Variants in SMAP2 observed in about 807,000 individuals in gnomAD.
SMAP2 encodes the protein stromal membrane-associated protein 2.
Under a neutral mutation model 56.4 loss-of-function variants are expected in SMAP2, and 25 were observed. The observed-to-expected ratio is 0.44, with a 90% CI of 0.32 to 0.62. The LOEUF is 0.62. Among genes scored for constraint, SMAP2 ranks in the 20% least tolerant of loss-of-function variants. SMAP2 has a pLI of 0.04. For synonymous variants in SMAP2, 157 were observed against 181.7 expected (o/e 0.86, Z 1.09); for missense variants, 388 against 545.6 (o/e 0.71, Z 2.88).
intron 4 of SMAP2, among the ~76,000 whole-genome samples, chr1:40,411,230 A>G (rs1342198374): frequency 3.3e-5 from 5 of 152,246 alleles, no homozygotes; most frequent in African/African-American, 1.2e-4. Context: ...TGTCAATATC[A>G]TATCTGTGCC....
intron 1 of SMAP2, among the ~76,000 whole-genome samples, chr1:40,404,172 CTT>C (rs147124614): frequency 2.0e-5 from 3 of 152,246 alleles, no homozygotes; most frequent in Non-Finnish European, 2.9e-5. Flanking sequence ...ACATTTGTCT[CTT>C]TTATTTTTCT....
intron 1 of SMAP2, among the ~76,000 whole-genome samples, chr1:40,401,387 G>A (rs1644832931): frequency 6.6e-6 from 1 of 152,194 alleles, no homozygotes; most frequent in South Asian, 2.1e-4. Context: ...TGGAAGATGG[G>A]AAAGTTCTCT....
intron 1 of SMAP2, among the ~76,000 whole-genome samples, chr1:40,383,906 G>A (rs147299541): frequency 2.6e-5 from 4 of 150,988 alleles, no homozygotes; most frequent in South Asian, 2.1e-4. Flanking sequence ...TTTTTCTTTC[G>A]TTTTTCTGGA....
At chr1:40,376,878 C>T (rs1194764809) in intron 1 of SMAP2, among the ~76,000 whole-genome samples, 2 of 152,112 alleles carry the variant, frequency 1.3e-5, no homozygotes, top group South Asian at 2.1e-4. Context: ...GACCTATGAG[C>T]AGGTATTTTT....
At chr1:40,387,585 T>C (rs1287162566) in intron 1 of SMAP2, among the ~76,000 whole-genome samples, 1 of 150,850 alleles carries the variant, frequency 6.6e-6, no homozygotes, top group Non-Finnish European at 1.5e-5. Flanking sequence ...AACCCTGGTT[T>C]CCCCATAAGG....
intron 1 of SMAP2, among the ~76,000 whole-genome samples, chr1:40,376,531 A>T (rs1644542877): frequency 6.6e-6 from 1 of 152,168 alleles, no homozygotes; most frequent in Non-Finnish European, 1.5e-5. Context: ...TATCCAATTT[A>T]TGAATTACCT....
intron 1 of SMAP2, among the ~76,000 whole-genome samples, chr1:40,392,838 G>A (rs1329797071): frequency 6.6e-6 from 1 of 152,146 alleles, no homozygotes; most frequent in Non-Finnish European, 1.5e-5. Flanking sequence ...AGTGGCTCAT[G>A]CCTGTAATCG....
chr1:40,397,278 A>G (rs1458114005), intron 1 of SMAP2, among the ~76,000 whole-genome samples: 1 of 152,216 alleles, frequency 6.6e-6, no homozygotes, highest in Non-Finnish European at 1.5e-5. Flanking sequence ...CACCCAATTC[A>G]CCACATGGGG....
intron 4 of SMAP2, among the ~76,000 whole-genome samples, chr1:40,411,994 A>G (rs890512369): frequency 6.6e-6 from 1 of 152,042 alleles, no homozygotes; most frequent in Admixed American, 6.5e-5. Flanking sequence ...CACTTAACAT[A>G]TATTTCTGTG....
At chr1:40,421,699 T>A (rs1645044402) in intron 9 of SMAP2, among the ~76,000 whole-genome samples, 1 of 152,198 alleles carries the variant, frequency 6.6e-6, no homozygotes, top group African/African-American at 2.4e-5. Flanking sequence ...AGAGAGGAAC[T>A]CATGCTGATT....
At chr1:40,352,206 C>A (rs1644411777) in intron 1 of SMAP2, among the ~76,000 whole-genome samples, 1 of 151,970 alleles carries the variant, frequency 6.6e-6, no homozygotes, top group African/African-American at 2.4e-5. Flanking sequence ...TCTGTGGACC[C>A]AGGATAAGAT....
intron 1 of SMAP2, chr1:40,393,654 C>G: frequency 1.4e-6 from 1 of 691,620 alleles, no homozygotes; most frequent in South Asian, 1.9e-5. Context: ...CAAGCGATTC[C>G]CCTGCCTCAG....
chr1:40,377,026 C>G (rs1022744760), intron 1 of SMAP2, among the ~76,000 whole-genome samples: 1 of 152,194 alleles, frequency 6.6e-6, no homozygotes, highest in Non-Finnish European at 1.5e-5. Context: ...TGGCTCAAAC[C>G]TGTAATCCCA....
chr1:40,344,912 T>A lies in SMAP2; in HGVS notation c.-83+2T>A, dbSNP rs1321067492. 6.6e-6 allele frequency: 1 copy of A among 152,182 alleles called. No homozygotes were observed. Among genetic ancestry groups the A allele is most frequent in the African/African-American group, 2.4e-5 (1 of 41,450 alleles). 9.4% of individuals were successfully genotyped at this position (152,182 alleles called of 1,614,324 possible). Reference sequence around the variant, plus strand: ...GAGCCACAACTGTCACAACTCCAGGTTAGTCCCTAAGAAGATTTCTTTCTT... The same window carrying A: ...GAGCCACAACTGTCACAACTCCAGGATAGTCCCTAAGAAGATTTCTTTCTT... On this transcript the variant is annotated splice_donor_variant, in intron 1 of 6. Transcript: ENST00000435168. LOFTEE classifies it low-confidence loss of function (5UTR_SPLICE).
Position 40,414,219 on chromosome 1 carries a change from G to C in SMAP2, c.550G>C (p.Val184Leu). 2 of 1,614,180 alleles carry C rather than the reference G, an allele frequency of 1.2e-6. No individual in the cohort carries two copies. The highest frequency in any genetic ancestry group is 1.1e-5 in the South Asian group (1 of 91,080). The change falls in exon 6 of 10, where the codon GTC (valine) becomes CTC (leucine). Residue 184 changes from valine to leucine, a missense_variant. Transcript: ENST00000372718. ...RKSSPKSTAP[V>L]MDLLGLDAPV... ...AAGCTCCCCGAAATCCACAGCGCCTGTCATGGATTTGTTGGGCCTTGGTAA... is the reference window on the plus strand; with the variant it reads ...AAGCTCCCCGAAATCCACAGCGCCTCTCATGGATTTGTTGGGCCTTGGTAA...
chr1:40,345,935 A>ATT (rs1553187233), intron 1 of SMAP2, among the ~76,000 whole-genome samples: 4 of 143,438 alleles, frequency 2.8e-5, no homozygotes, highest in African/African-American at 7.6e-5. Context: ...ATTATATTAG[A>ATT]AAGTAGTCTT....
At chr1:40,355,115 T>G (rs1644429750) in intron 1 of SMAP2, among the ~76,000 whole-genome samples, 1 of 152,064 alleles carries the variant, frequency 6.6e-6, no homozygotes, top group South Asian at 2.1e-4. Flanking sequence ...GTTTTACAGA[T>G]CACCCTTATG....
intron 1 of SMAP2, among the ~76,000 whole-genome samples, chr1:40,353,589 C>T (rs767404887): frequency 3.3e-5 from 5 of 151,962 alleles, no homozygotes; most frequent in Admixed American, 6.6e-5. Context: ...AGGCTGGTCT[C>T]GAGTCCCTAA....
chr1:40,379,545 T>A (rs1450430340), intron 1 of SMAP2, among the ~76,000 whole-genome samples: 2 of 149,450 alleles, frequency 1.3e-5, no homozygotes, highest in African/African-American at 2.5e-5. Context: ...TGGAAGACAC[T>A]GTTGTCTCTC....
Sources: allele counts gnomAD v4.1 joint callset (sites outside exome capture counted in the v4.1 genomes callset), GRCh38; gene constraint gnomAD v4.1.1; transcripts MANE v1.5; gene names NCBI Gene and HGNC (gene_info 2026-07-23, HGNC 2026-07-21).